The following MAP4 variants were observed in gnomAD, a reference collection of about 807,000 sequenced individuals.
The protein encoded by MAP4 is microtubule associated protein 4, also known as microtubule-associated protein 4.
In MAP4, 76 loss-of-function variants were observed where a neutral mutation model predicts 170.2. The ratio of observed to expected loss-of-function variants is 0.45; its 90% CI spans 0.37 to 0.54. The LOEUF (loss-of-function observed/expected upper bound fraction) is 0.54, where lower values mean the gene tolerates loss of function less well. Ranked by LOEUF, MAP4 falls within the 20% of genes least tolerant of loss-of-function variation. MAP4 has a pLI of 0.00. For missense variants in MAP4, 2,506 were observed against 2,748.0 expected (o/e 0.91, Z 1.97); for synonymous variants, 909 against 994.5 (o/e 0.91, Z 1.62).
intron 8 of MAP4, among the ~76,000 whole-genome samples, chr3:47,914,170 T>C (rs529316233): frequency 6.6e-6 from 1 of 152,326 alleles, no homozygotes; most frequent in East Asian, 1.9e-4. Flanking sequence ...AACTGAGATA[T>C]AGGCAAGTTA....
intron 3 of MAP4, among the ~76,000 whole-genome samples, chr3:47,930,739 T>C (rs1380409872): frequency 2.6e-5 from 4 of 151,528 alleles, no homozygotes; most frequent in Non-Finnish European, 4.4e-5. Flanking sequence ...CCATCCTGGC[T>C]AACACAGTGA....
intron 1 of MAP4, among the ~76,000 whole-genome samples, chr3:48,066,915 A>G (rs900833831): frequency 7.8e-5 from 10 of 128,012 alleles, no homozygotes; most frequent in African/African-American, 3.0e-4. Context: ...ATCTCGGCTC[A>G]CTGCAAGCTC....
intron 10 of MAP4, chr3:47,891,458 G>T: frequency 3.9e-6 from 6 of 1,527,716 alleles, no homozygotes; most frequent in Non-Finnish European, 5.2e-6. Context: ...CAGTTTCCCA[G>T]GTGTAGGACT....
At chr3:48,005,350 A>G (rs973958549) in intron 1 of MAP4, among the ~76,000 whole-genome samples, 2 of 151,284 alleles carry the variant, frequency 1.3e-5, no homozygotes, top group East Asian at 1.9e-4. Flanking sequence ...ACAGAACGAG[A>G]CTCCCTCTAA....
At position 47,916,469 on chromosome 3, in the gene MAP4, G is replaced by A; in HGVS notation, c.1358C>T (p.Pro453Leu). 1.2e-6 allele frequency: 2 copies of A among 1,614,196 alleles called. No individual in the cohort carries two copies. The highest frequency in any genetic ancestry group is 1.7e-6 in the Non-Finnish European group (2 of 1,180,024). Reference protein sequence around the residue: ...EVALARDMTLPPETNVILTKD... With the variant: ...EVALARDMTLLPETNVILTKD... ...GGTCAAGATCACGTTGGTTTCCGGGGGCAGTGTCATGTCCCTGGCCAGGGC... is the reference window on the plus strand; with the variant it reads ...GGTCAAGATCACGTTGGTTTCCGGGAGCAGTGTCATGTCCCTGGCCAGGGC... Residue 453 changes from proline (P) to leucine (L), a missense_variant, in exon 7 of 21, where the codon CCC becomes CTC. Transcript: ENST00000683076.
rs775275973 is a variant in MAP4, at chr3:47,875,845, G to A, written c.5597C>T (p.Pro1866Leu). The A allele has an allele frequency of 4.3e-6, 7 of 1,613,752 alleles. No homozygotes were observed. The East Asian group carries it at 1.6e-4, about 36-fold the overall frequency. The change falls in exon 12 of 21, where the codon CCC (proline) becomes CTC (leucine). Residue 1866 changes from proline to leucine, a missense_variant. Pro to Leu is a moderately conservative substitution (Grantham distance 98, BLOSUM62 -3). This residue lies in a region of MAP4 where 2,008 missense variants were observed against 2,206.0 expected (regional missense o/e 0.91). Transcript: ENST00000683076. ...AGCTGGCTGCTTAGGGAGAGAAGTGGGCTGTGTTTTGGCTTTCGATGTTGA... is the reference window on the plus strand; with the variant it reads ...AGCTGGCTGCTTAGGGAGAGAAGTGAGCTGTGTTTTGGCTTTCGATGTTGA... ...KTSTSKAKTQ[P>L]TSLPKQPAPT...
chr3:47,974,141 T>A, intron 3 of MAP4: 1 of 984,658 alleles, frequency 1.0e-6, no homozygotes, highest in Non-Finnish European at 1.2e-6. Flanking sequence ...ACAATGTATA[T>A]CTGGCCAGGC....
intron 10 of MAP4, among the ~76,000 whole-genome samples, chr3:47,895,333 T>C (rs929419356): frequency 6.6e-6 from 1 of 152,246 alleles, no homozygotes; most frequent in African/African-American, 2.4e-5. Context: ...GGGGAATCTT[T>C]AAGGTGCTCT....
At chr3:47,972,207 AAC>A (rs1263406089) in intron 3 of MAP4, among the ~76,000 whole-genome samples, 4 of 152,218 alleles carry the variant, frequency 2.6e-5, no homozygotes, top group African/African-American at 9.6e-5. Flanking sequence ...ACTGTAAACA[AAC>A]ACTAACCCAG....
upstream of MAP4, among the ~76,000 whole-genome samples, chr3:48,020,446 G>C (rs2100109995): frequency 6.6e-6 from 1 of 152,164 alleles, no homozygotes; most frequent in Non-Finnish European, 1.5e-5. Context: ...ATTGGTTCTA[G>C]GCACGACTAA....
chr3:47,884,266 T>C (rs2097228030), intron 10 of MAP4, among the ~76,000 whole-genome samples: 1 of 152,256 alleles, frequency 6.6e-6, no homozygotes, highest in African/African-American at 2.4e-5. Context: ...ATCTGCAGTC[T>C]GCTGCTGAGC....
chr3:47,884,994 T>A (rs528189420), intron 10 of MAP4, among the ~76,000 whole-genome samples: 1 of 152,266 alleles, frequency 6.6e-6, no homozygotes, highest in East Asian at 1.9e-4. Context: ...AAGGCCCTTA[T>A]GGGCTGCATT....
At chr3:47,982,495 ATTTAGCAGAATGAGGTAACTTATT>A (rs1262197903) in intron 2 of MAP4, among the ~76,000 whole-genome samples, 1 of 152,224 alleles carries the variant, frequency 6.6e-6, no homozygotes, top group Non-Finnish European at 1.5e-5. Context: ...ATTTGGATAC[ATTTAGCAGAATGAGGTAACTTATT>A]TTTATGTGGC....
intron 4 of MAP4, among the ~76,000 whole-genome samples, chr3:47,924,830 A>G (rs1434287755): frequency 6.9e-6 from 1 of 144,178 alleles, no homozygotes; most frequent in Non-Finnish European, 1.5e-5. Context: ...TTTTTTTTTG[A>G]GATGGAGTCT....
At chr3:48,032,201 C>T (rs982776600) in intron 1 of MAP4, among the ~76,000 whole-genome samples, 1 of 151,690 alleles carries the variant, frequency 6.6e-6, no homozygotes, top group Non-Finnish European at 1.5e-5. Flanking sequence ...GATCCTAGAA[C>T]AGAAAAAGGT....
intron 1 of MAP4, among the ~76,000 whole-genome samples, chr3:48,035,488 G>A (rs578091019): frequency 2.0e-5 from 3 of 152,002 alleles, no homozygotes; most frequent in African/African-American, 7.2e-5. Context: ...TTAAAAATTA[G>A]CCAGGCATGG....
chr3:47,861,154 A>G (rs911793134), intron 17 of MAP4, among the ~76,000 whole-genome samples: 3 of 152,160 alleles, frequency 2.0e-5, no homozygotes, highest in African/African-American at 7.2e-5. Flanking sequence ...TGAGGTCAGG[A>G]GTTCAAGACC....
At chr3:47,969,423 GA>G (rs56969265) in intron 3 of MAP4, among the ~76,000 whole-genome samples, 2 of 145,538 alleles carry the variant, frequency 1.4e-5, no homozygotes, top group African/African-American at 2.5e-5. Context: ...CGCGGGGAGA[GA>G]AAAAAAAAAA....
At chr3:48,055,900 C>T (rs1467119533) in intron 1 of MAP4, among the ~76,000 whole-genome samples, 1 of 63,250 alleles carries the variant, frequency 1.6e-5, no homozygotes, top group Admixed American at 1.7e-4. Context: ...GCCGAGACCC[C>T]GTCTGGGAGG....
Sources: allele counts gnomAD v4.1 joint callset (sites outside exome capture counted in the v4.1 genomes callset), GRCh38; gene constraint gnomAD v4.1.1; regional missense constraint gnomAD v4.1.1; transcripts MANE v1.5; gene names NCBI Gene and HGNC (gene_info 2026-07-23, HGNC 2026-07-21).